The following CTNNA1 variants were observed in gnomAD, a reference collection of about 807,000 sequenced individuals.
CTNNA1 encodes the protein catenin alpha 1, also known as catenin alpha-1.
CTNNA1 carries 37 observed loss-of-function variants against 98.4 expected under a neutral mutation model. The ratio of observed to expected loss-of-function variants is 0.38; its 90% confidence interval spans 0.29 to 0.49. The LOEUF (loss-of-function observed/expected upper bound fraction) is 0.49. Among genes scored for constraint, CTNNA1 ranks in the 20% least tolerant of loss-of-function variants. CTNNA1 has a pLI of 0.95. For missense variants in CTNNA1, 761 were observed against 1,147.2 expected (o/e 0.66, Z 4.86); for synonymous variants, 404 against 413.2 (o/e 0.98, Z 0.27).
At chr5:138,812,356 G>A in intron 5 of CTNNA1, 54 bp downstream of exon 5, 1 of 1,567,946 alleles carries the variant, frequency 6.4e-7, no homozygotes, top group South Asian at 1.2e-5. Context: ...TATCTAGAGG[G>A]AAAAACTCAT....
At chr5:138,843,621 C>T (rs1762449618) in intron 7 of CTNNA1, among the ~76,000 whole-genome samples, 1 of 152,094 alleles carries the variant, frequency 6.6e-6, no homozygotes, top group African/African-American at 2.4e-5. Flanking sequence ...GAAATGATGC[C>T]ATTATGTAGA....
rs1463170018 is a variant in CTNNA1 at position 138,934,243 on chromosome 5, A to ATAGTT, written c.*157_*161dup. The ATAGTT allele has an allele frequency of 1.3e-5, 8 of 608,800 alleles. No individual in the cohort carries two copies. Among genetic ancestry groups the ATAGTT allele is most frequent in the African/African-American group, 1.1e-4 (6 of 54,038 alleles). 37.7% of individuals were successfully genotyped at this position (608,800 alleles called of 1,614,324 possible). ...TCCAGGTGGTGAATTTTCCAAGAAC[A>ATAGTT]TAGTTTAAGTTGATTAAAAATGCTT... is the stretch of plus-strand genomic sequence containing the variant. On this transcript the variant is annotated 3_prime_UTR_variant, in exon 18 of 18. Transcript: ENST00000302763.
Position 138,934,404 on chromosome 5 carries a change from T to A in CTNNA1, c.*315T>A, listed in dbSNP as rs1349279911. On this transcript the variant is annotated 3_prime_UTR_variant, in exon 18 of 18. Coordinates refer to ENST00000302763, the MANE Select transcript of CTNNA1 (RefSeq NM_001903.5). Reference sequence around the variant, plus strand: ...GCCGAGATGCCCATTCTCTTAGTGATGGCGGCGTTAGGGTTTGAGAGAAGG... The same window carrying A: ...GCCGAGATGCCCATTCTCTTAGTGAAGGCGGCGTTAGGGTTTGAGAGAAGG... 3.4e-6 allele frequency: 1 copy of A among 291,314 alleles called. No homozygotes were observed. The highest frequency in any genetic ancestry group is 6.4e-6 in the Non-Finnish European group (1 of 156,528). The allele number at this position is 291,314 out of a possible 1,614,324, so 18.0% of individuals were successfully genotyped here.
intron 11 of CTNNA1, among the ~76,000 whole-genome samples, chr5:138,918,588 A>G (rs1762272844): frequency 6.6e-6 from 1 of 152,284 alleles, no homozygotes; most frequent in African/African-American, 2.4e-5. Flanking sequence ...TTATATAAAC[A>G]TAAACTGGTA....
At chr5:138,797,575 G>A (rs1757107801) in intron 3 of CTNNA1, among the ~76,000 whole-genome samples, 3 of 152,208 alleles carry the variant, frequency 2.0e-5, no homozygotes, top group African/African-American at 7.2e-5. Context: ...AGGTAGAAAG[G>A]TTCTGGTGAA....
At chr5:138,797,618 T>C (rs1757111459) in intron 3 of CTNNA1, among the ~76,000 whole-genome samples, 1 of 152,152 alleles carries the variant, frequency 6.6e-6, no homozygotes, top group African/African-American at 2.4e-5. Flanking sequence ...AGTATTATTT[T>C]GGGGAAGGAG....
At chr5:138,833,016 A>C (rs773052910) in intron 7 of CTNNA1, among the ~76,000 whole-genome samples, 10 of 152,156 alleles carry the variant, frequency 6.6e-5, no homozygotes, top group Non-Finnish European at 1.5e-5. Context: ...TTTTTAAGGC[A>C]TGTGTTTTTC....
chr5:138,787,447 ATTAATAT>A (rs1458531941), intron 3 of CTNNA1, among the ~76,000 whole-genome samples: 2 of 152,088 alleles, frequency 1.3e-5, no homozygotes, highest in Non-Finnish European at 2.9e-5. Context: ...TGTTGAAACT[ATTAATAT>A]TCAGCTCTGC....
chr5:138,888,100 T>C (rs1754494191), intron 9 of CTNNA1, among the ~76,000 whole-genome samples: 2 of 152,348 alleles, frequency 1.3e-5, no homozygotes, highest in South Asian at 2.1e-4. Flanking sequence ...ATGATGTATG[T>C]CAAATGCTTA....
At chr5:138,842,662 G>C (rs926642432) in intron 7 of CTNNA1, among the ~76,000 whole-genome samples, 3 of 152,184 alleles carry the variant, frequency 2.0e-5, no homozygotes, top group African/African-American at 7.2e-5. Flanking sequence ...TGATGACCTT[G>C]AGCAGTAGGA....
chr5:138,922,896 C>T (rs372111263), intron 11 of CTNNA1, among the ~76,000 whole-genome samples: 60 of 150,146 alleles, frequency 4.0e-4, no homozygotes, highest in Admixed American at 2.1e-3. Flanking sequence ...ATCTAGAAGG[C>T]GGCCAGGATG....
At chr5:138,892,328 G>GTTTTTTTTTTTTT (rs70982738) in intron 9 of CTNNA1, among the ~76,000 whole-genome samples, 2 of 79,250 alleles carry the variant, frequency 2.5e-5, no homozygotes, top group African/African-American at 1.1e-4. Flanking sequence ...AAATAGCTTA[G>GTTTTTTTTTTTTT]TTTTTTTTTT....
At chr5:138,818,728 T>C (rs1014843250) in intron 5 of CTNNA1, among the ~76,000 whole-genome samples, 10 of 152,170 alleles carry the variant, frequency 6.6e-5, no homozygotes, top group Admixed American at 4.6e-4. Flanking sequence ...GGTCCTCCTC[T>C]TCTTGTTTTT....
At chr5:138,931,189 C>G (rs1056971604) in intron 16 of CTNNA1, 5 of 457,444 alleles carry the variant, frequency 1.1e-5, no homozygotes, top group African/African-American at 7.9e-5. Flanking sequence ...CTCTCTCCCC[C>G]TCTGGGCAGG....
At chr5:138,822,350 G>A (rs1760128743) in intron 5 of CTNNA1, among the ~76,000 whole-genome samples, 1 of 152,192 alleles carries the variant, frequency 6.6e-6, no homozygotes, top group African/African-American at 2.4e-5. Flanking sequence ...AAAGTCATGT[G>A]TTGAATAGTA....
chr5:138,827,909 G>A (rs1018108792), intron 7 of CTNNA1, 191 bp downstream of exon 7: 73 of 629,378 alleles, frequency 1.2e-4, no homozygotes, highest in Non-Finnish European at 1.9e-4. Context: ...AGCTTATTGA[G>A]AAATTTTCAA....
At position 138,935,021 on chromosome 5, in the gene CTNNA1, A is replaced by T. The variant is rs1015849914; in HGVS notation, c.*932A>T. Reference sequence around the variant, plus strand: ...CTAACTTTTCCCAATAAAGTCCACTATGAAACCACGACATCCAAGAGCCCA... The same window carrying T: ...CTAACTTTTCCCAATAAAGTCCACTTTGAAACCACGACATCCAAGAGCCCA... On this transcript the variant is annotated 3_prime_UTR_variant, in exon 18 of 18. Transcript: ENST00000302763. The T allele has an allele frequency of 2.0e-5, 3 of 152,224 alleles. No homozygotes were observed. Among genetic ancestry groups the T allele is most frequent in the African/African-American group, 4.8e-5 (2 of 41,458 alleles). 9.4% of individuals were successfully genotyped at this position (152,224 alleles called of 1,614,324 possible).
intron 10 of CTNNA1, 24 bp downstream of exon 10, chr5:138,904,465 ACAG>A: frequency 6.2e-7 from 1 of 1,600,140 alleles, no homozygotes; most frequent in Non-Finnish European, 8.5e-7. Flanking sequence ...GACACTGGTG[ACAG>A]CATAACCAAA....
chr5:138,786,114 A>G (rs1269107190), intron 3 of CTNNA1, among the ~76,000 whole-genome samples: 1 of 152,114 alleles, frequency 6.6e-6, no homozygotes, highest in East Asian at 1.9e-4. Flanking sequence ...AATCATAAGG[A>G]CTTTTCTGTC....
Sources: gnomAD v4.1 joint callset for allele counts (sites outside exome capture counted in the v4.1 genomes callset) on GRCh38, gnomAD v4.1.1 for gene constraint, MANE v1.5 for transcripts, NCBI Gene and HGNC (gene_info 2026-07-23, HGNC 2026-07-21) for gene names.